NRXN1: variants seen among roughly 807,000 people sequenced by gnomAD.
The protein encoded by NRXN1 is neurexin 1, also known as neurexin-1.
Under a neutral mutation model 150.9 loss-of-function variants are expected in NRXN1, and 39 were observed. That is an observed-to-expected ratio of 0.26 (90% CI 0.20 to 0.34). NRXN1 has a LOEUF of 0.34. Among genes scored for constraint, NRXN1 ranks in the 10% least tolerant of loss-of-function variants. The pLI, the probability that NRXN1 is intolerant of heterozygous loss-of-function variation, is 1.00. For synonymous variants in NRXN1, 924 were observed against 757.0 expected, an observed-to-expected ratio of 1.22 and a Z score of -3.62; for missense variants, 1,815 against 1,949.9, an observed-to-expected ratio of 0.93 and a Z score of 1.30.
chr2:50,029,580 G>A (rs768143611), intron 21 of NRXN1, among the ~76,000 whole-genome samples: 2 of 152,134 alleles, frequency 1.3e-5, no homozygotes, highest in Non-Finnish European at 2.9e-5. Flanking sequence ...GAAAGGCCAT[G>A]TGGACACACA....
intron 5 of NRXN1, among the ~76,000 whole-genome samples, chr2:50,712,319 T>G (rs1219911623): frequency 6.6e-6 from 1 of 152,106 alleles, no homozygotes; most frequent in Non-Finnish European, 1.5e-5. Flanking sequence ...ACATAATTAA[T>G]TGCTATTTTT....
At chr2:50,503,372 G>A (rs1417423420) in intron 13 of NRXN1, among the ~76,000 whole-genome samples, 1 of 151,464 alleles carries the variant, frequency 6.6e-6, no homozygotes, top group South Asian at 2.1e-4. Context: ...TAATTGGAAT[G>A]AAGGCATGTC....
chr2:50,317,089 C>G (rs754204796), intron 17 of NRXN1, among the ~76,000 whole-genome samples: 19 of 151,906 alleles, frequency 1.3e-4, no homozygotes, highest in South Asian at 8.3e-4. Flanking sequence ...ATTTTCTGCT[C>G]TGCGTTTAAA....
intron 21 of NRXN1, among the ~76,000 whole-genome samples, chr2:50,010,203 A>G (rs553303492): frequency 6.9e-4 from 105 of 152,228 alleles, no homozygotes; most frequent in African/African-American, 2.4e-3. Flanking sequence ...ATTTCATGAA[A>G]CAGACTCAAT....
At chr2:50,420,630 T>C (rs2083910751) in intron 17 of NRXN1, among the ~76,000 whole-genome samples, 1 of 152,052 alleles carries the variant, frequency 6.6e-6, no homozygotes, top group African/African-American at 2.4e-5. Flanking sequence ...ATGAGGTATT[T>C]CACTTAAAAG....
chr2:50,502,343 A>C (rs1462571811), intron 13 of NRXN1, among the ~76,000 whole-genome samples: 1 of 152,148 alleles, frequency 6.6e-6, no homozygotes, highest in Non-Finnish European at 1.5e-5. Context: ...AACAGTCGTA[A>C]AGTAATCCTG....
At chr2:50,718,440 T>C (rs1040402850) in intron 5 of NRXN1, among the ~76,000 whole-genome samples, 1 of 152,158 alleles carries the variant, frequency 6.6e-6, no homozygotes, top group Non-Finnish European at 1.5e-5. Flanking sequence ...AAATCAAACA[T>C]GTAAACTGTT....
At chr2:50,794,087 T>G (rs1395988606) in intron 5 of NRXN1, among the ~76,000 whole-genome samples, 1 of 152,048 alleles carries the variant, frequency 6.6e-6, no homozygotes, top group Non-Finnish European at 1.5e-5. Flanking sequence ...AAGAATTAAC[T>G]AGCCCAGAAT....
chr2:51,004,930 TAATG>T (rs1282381773), intron 2 of NRXN1, among the ~76,000 whole-genome samples: 5 of 151,946 alleles, frequency 3.3e-5, no homozygotes, highest in Admixed American at 2.6e-4. Flanking sequence ...TAGTAAAACT[TAATG>T]AATGAACCTT....
chr2:50,427,162 G>A (rs959637818), intron 17 of NRXN1, among the ~76,000 whole-genome samples: 1 of 152,000 alleles, frequency 6.6e-6, no homozygotes, highest in Admixed American at 6.6e-5. Context: ...TTTTTGTGAC[G>A]ATAAAAATAC....
intron 5 of NRXN1, among the ~76,000 whole-genome samples, chr2:50,895,550 A>G (rs114242638): frequency 0.028 from 4,219 of 148,682 alleles, 75 homozygotes; most frequent in Middle Eastern, 0.1. Context: ...GCTTTGAGCT[A>G]TTTTGTTTTT....
At chr2:50,703,531 A>C (rs1346564557) in intron 5 of NRXN1, among the ~76,000 whole-genome samples, 1 of 152,138 alleles carries the variant, frequency 6.6e-6, no homozygotes, top group African/African-American at 2.4e-5. Context: ...TCCATTTGAG[A>C]AAGGTTCATT....
chr2:51,017,933 G>A (rs981660114), intron 2 of NRXN1, among the ~76,000 whole-genome samples: 6 of 151,996 alleles, frequency 3.9e-5, no homozygotes, highest in African/African-American at 1.4e-4. Flanking sequence ...TTTCCCTAAG[G>A]AGAGCCCAGG....
At chr2:50,852,055 C>T (rs1210642217) in intron 5 of NRXN1, among the ~76,000 whole-genome samples, 1 of 152,120 alleles carries the variant, frequency 6.6e-6, no homozygotes, top group African/African-American at 2.4e-5. Context: ...GCAAGGGACA[C>T]AGGTGGAAGG....
chr2:50,495,361 TGTGTGTGTGTGTGTGTGTG>T (rs1307388535), intron 15 of NRXN1, among the ~76,000 whole-genome samples: 2,125 of 10,924 alleles, frequency 0.19, 117 homozygotes, highest in South Asian at 0.29. Context: ...TGTGTGTGTG[TGTGTGTGTGTGTGTGTGTG>T]GTGTGTGTGT....
intron 12 of NRXN1, among the ~76,000 whole-genome samples, chr2:50,524,338 G>C (rs897235979): frequency 5.9e-5 from 9 of 152,002 alleles, no homozygotes; most frequent in Non-Finnish European, 1.3e-4. Flanking sequence ...AATTAGCCAG[G>C]CATGCTGGTG....
intron 21 of NRXN1, among the ~76,000 whole-genome samples, chr2:50,011,936 G>A (rs1188291668): frequency 6.6e-6 from 1 of 152,044 alleles, no homozygotes; most frequent in African/African-American, 2.4e-5. Context: ...CAAATGCATT[G>A]ATGAATATAC....
At chr2:50,933,934 C>T (rs901445968) in intron 2 of NRXN1, among the ~76,000 whole-genome samples, 1 of 152,126 alleles carries the variant, frequency 6.6e-6, no homozygotes, top group Non-Finnish European at 1.5e-5. Flanking sequence ...TACTTAATTA[C>T]TTCTTCAAAT....
chr2:50,377,740 T>C (rs774596953), intron 17 of NRXN1, among the ~76,000 whole-genome samples: 2 of 152,126 alleles, frequency 1.3e-5, no homozygotes, highest in African/African-American at 4.8e-5. Flanking sequence ...CTTATGAAAT[T>C]TGTAAGTCAA....
Sources: allele counts gnomAD v4.1 joint callset (sites outside exome capture counted in the v4.1 genomes callset), GRCh38; gene constraint gnomAD v4.1.1; transcripts MANE v1.5; gene names NCBI Gene and HGNC (gene_info 2026-07-23, HGNC 2026-07-21).